The following MYO3A variants were observed in gnomAD, a reference collection of about 807,000 sequenced individuals.
The protein encoded by MYO3A is myosin IIIA.
MYO3A carries 180 observed loss-of-function variants against 192.7 expected under a neutral mutation model. The ratio of observed to expected loss-of-function variants is 0.93; its 90% CI spans 0.83 to 1.06. The LOEUF is 1.06. Ranked by LOEUF, MYO3A falls within the 50% of genes least tolerant of loss-of-function variation. The probability of loss-of-function intolerance (pLI) is 0.00; values close to 1 mark genes in which losing one functional copy is unlikely to be tolerated. For missense variants in MYO3A, 1,896 were observed against 1,905.0 expected, an observed-to-expected ratio of 1.00 and a Z score of 0.09; for synonymous variants, 628 against 645.3, an observed-to-expected ratio of 0.97 and a Z score of 0.41.
chr10:25,936,443 C>T (rs543870844), intron 2 of MYO3A, among the ~76,000 whole-genome samples: 75 of 152,004 alleles, frequency 4.9e-4, no homozygotes, highest in African/African-American at 1.8e-3. Context: ...TTTCCAGCTG[C>T]GTTTTCTTTT....
intron 12 of MYO3A, 73 bp from the exon 13 acceptor site, chr10:26,070,038 C>T: frequency 9.3e-7 from 1 of 1,078,778 alleles, no homozygotes; most frequent in East Asian, 2.4e-5. Context: ...AAAATTGGAG[C>T]TATATTTGTA....
At chr10:25,991,535 A>G (rs1301262250) in intron 4 of MYO3A, among the ~76,000 whole-genome samples, 2 of 151,894 alleles carry the variant, frequency 1.3e-5, no homozygotes, top group East Asian at 3.9e-4. Context: ...CCATTTGTCA[A>G]TTTTGGCTTT....
chr10:26,038,375 T>C (rs1843150816), intron 10 of MYO3A, among the ~76,000 whole-genome samples: 1 of 152,236 alleles, frequency 6.6e-6, no homozygotes, highest in South Asian at 2.1e-4. Flanking sequence ...CCCTTCAATT[T>C]CTTGGATCAG....
intron 4 of MYO3A, among the ~76,000 whole-genome samples, chr10:25,983,504 G>A (rs529106697): frequency 6.6e-5 from 10 of 152,060 alleles, no homozygotes; most frequent in East Asian, 3.9e-4. Context: ...TGATCCACCC[G>A]CCTCGGCCTC....
At chr10:25,978,115 A>G (rs762695071) in intron 4 of MYO3A, among the ~76,000 whole-genome samples, 4 of 152,178 alleles carry the variant, frequency 2.6e-5, no homozygotes, top group Non-Finnish European at 5.9e-5. Context: ...TAAAATTTGA[A>G]TATCTTGTTT....
At chr10:26,004,488 G>C (rs981621049) in intron 6 of MYO3A, among the ~76,000 whole-genome samples, 1 of 139,050 alleles carries the variant, frequency 7.2e-6, no homozygotes, top group South Asian at 2.2e-4. Context: ...ATGCATGTGA[G>C]TGTGTGTGTA....
intron 31 of MYO3A, among the ~76,000 whole-genome samples, chr10:26,183,377 G>T (rs537341863): frequency 1.2e-3 from 187 of 152,254 alleles, no homozygotes; most frequent in African/African-American, 4.3e-3. Context: ...CAAAAAATTA[G>T]CCGGGCTTGG....
chr10:26,070,483 T>G, intron 14 of MYO3A, 82 bp downstream of exon 14: 1 of 1,163,502 alleles, frequency 8.6e-7, no homozygotes, highest in Non-Finnish European at 1.3e-6. Flanking sequence ...ATTAATATTC[T>G]CTAGTATCTC....
At chr10:25,950,113 T>C (rs754142742) in intron 2 of MYO3A, among the ~76,000 whole-genome samples, 2 of 152,044 alleles carry the variant, frequency 1.3e-5, no homozygotes, top group Non-Finnish European at 2.9e-5. Context: ...TTCATAAAGG[T>C]TGGTCAGGGA....
chr10:26,099,121 T>C (rs1564547144), intron 17 of MYO3A, among the ~76,000 whole-genome samples: 1 of 152,240 alleles, frequency 6.6e-6, no homozygotes, highest in Admixed American at 6.5e-5. Context: ...GAAGAGGTCC[T>C]TCATGTCCCT....
At chr10:26,178,366 A>G (rs1398108896) in intron 31 of MYO3A, among the ~76,000 whole-genome samples, 1 of 152,164 alleles carries the variant, frequency 6.6e-6, no homozygotes, top group Non-Finnish European at 1.5e-5. Context: ...AGCCTGACCA[A>G]TATGGTGAAA....
chr10:26,051,839 T>C (rs1844024581), intron 10 of MYO3A, among the ~76,000 whole-genome samples: 1 of 152,108 alleles, frequency 6.6e-6, no homozygotes, highest in South Asian at 2.1e-4. Context: ...GCTGTTTTCA[T>C]GCCATAATGA....
intron 10 of MYO3A, among the ~76,000 whole-genome samples, chr10:26,049,150 C>T (rs1843810812): frequency 6.6e-6 from 1 of 152,162 alleles, no homozygotes; most frequent in East Asian, 1.9e-4. Flanking sequence ...CAAGAGCCAC[C>T]TCTGTAGAGT....
At position 26,153,919 on chromosome 10, in the gene MYO3A, A is replaced by C. The variant is rs142823078; in HGVS notation, c.2705A>C (p.Asn902Thr). 2.6e-4 allele frequency: 417 copies of C among 1,590,932 alleles called. No individual in the cohort carries two copies. The highest frequency in any genetic ancestry group is 6.3e-5 in the Non-Finnish European group (73 of 1,159,334). The change falls in exon 24 of 35, where the codon AAC (asparagine) becomes ACC (threonine). Residue 902 changes from asparagine to threonine, a missense_variant. Asn to Thr is a moderately conservative substitution (Grantham distance 65, BLOSUM62 0). Transcript: ENST00000642920. ...ATGAGGACTTCAGAAAAATTAATCAACCTGGCAAAGGTAAGAAAATGCTTT... is the reference window on the plus strand; with the variant it reads ...ATGAGGACTTCAGAAAAATTAATCACCCTGGCAAAGGTAAGAAAATGCTTT... Reference protein sequence around the residue: ...YQMRTSEKLINLAKGDTGEAT... With the variant: ...YQMRTSEKLITLAKGDTGEAT...
chr10:26,058,096 A>G (rs1476144102), intron 10 of MYO3A, among the ~76,000 whole-genome samples: 1 of 152,262 alleles, frequency 6.6e-6, no homozygotes, highest in African/African-American at 2.4e-5. Flanking sequence ...AGCATTGTAC[A>G]GAATAGTTTC....
chr10:26,016,491 A>G (rs901095093), intron 6 of MYO3A, among the ~76,000 whole-genome samples: 6 of 152,234 alleles, frequency 3.9e-5, no homozygotes, highest in Non-Finnish European at 7.3e-5. Context: ...ATGACAAAAT[A>G]TGTAAAATCG....
chr10:26,165,843 A>C (rs1589064731), intron 26 of MYO3A: 2 of 599,256 alleles, frequency 3.3e-6, no homozygotes, highest in Non-Finnish European at 5.9e-6. Context: ...AGGTGATCAC[A>C]AAGGTGAAAA....
chr10:26,176,687 G>A lies in MYO3A; in HGVS notation c.4294-14G>A. The A allele has an allele frequency of 6.2e-7, 1 of 1,604,766 alleles. No individual in the cohort carries two copies. The highest frequency in any genetic ancestry group is 8.5e-7 in the Non-Finnish European group (1 of 1,171,992). On this transcript the variant is annotated splice_polypyrimidine_tract_variant and intron_variant, in intron 30 of 34. Transcript: ENST00000642920. Reference sequence around the variant, plus strand: ...TTTTCCTTGATTTAACCTGACACATGACCTTCTTTTTAGATATCAAAGTTA... The same window carrying A: ...TTTTCCTTGATTTAACCTGACACATAACCTTCTTTTTAGATATCAAAGTTA...
At chr10:26,134,283 G>C (rs1191819718) in intron 20 of MYO3A, among the ~76,000 whole-genome samples, 2 of 152,092 alleles carry the variant, frequency 1.3e-5, no homozygotes, top group African/African-American at 4.8e-5. Context: ...GTCATATTCT[G>C]AATTAATGAC....
Sources: allele counts gnomAD v4.1 joint callset (sites outside exome capture counted in the v4.1 genomes callset), GRCh38; gene constraint gnomAD v4.1.1; transcripts MANE v1.5; gene names NCBI Gene and HGNC (gene_info 2026-07-23, HGNC 2026-07-21).